The following AFF2 variants were observed in gnomAD, a reference collection of about 807,000 sequenced individuals.
AFF2 encodes ALF transcription elongation factor 2, also known as AF4/FMR2 family member 2.
AFF2 carries 14 observed loss-of-function variants against 76.9 expected under a neutral mutation model. The observed-to-expected ratio is 0.18, with a 90% CI of 0.12 to 0.28. The LOEUF (loss-of-function observed/expected upper bound fraction) is 0.28, where lower values mean the gene tolerates loss of function less well. AFF2 is among the 10% of genes least tolerant of loss of function. AFF2 has a pLI of 1.00. For missense variants in AFF2, 868 were observed against 1,001.1 expected, an observed-to-expected ratio of 0.87 and a Z score of 1.79; for synonymous variants, 398 against 366.7, an observed-to-expected ratio of 1.09 and a Z score of -0.98.
At chrX:148,978,326 A>C (rs782598260) in intron 17 of AFF2, 36 bp from the exon 18 acceptor site, 1 of 975,953 alleles carries the variant, frequency 1.0e-6, no homozygotes, top group Admixed American at 2.3e-5. Context: ...TTCACTAAGC[A>C]CTGGCATTAA....
At position 148,885,979 on chromosome X, in the gene AFF2, C is replaced by G. The variant is rs138980868; in HGVS notation, c.1353C>G (p.Leu451=). 621 of 1,197,545 alleles carry G rather than the reference C, an allele frequency of 5.2e-4. No homozygotes were observed. The African/African-American group carries it at 0.01, about 20-fold the overall frequency. ...CCACTCAGTGCACTGCCACTGAGCT[C>G]TACCAGGTTAGAAGAGCTTAGGGCT... ...TLTTQCTATE[L]YQAVEKAKPR... Residue 451 remains leucine (L), a synonymous_variant, in exon 8 of 21, where the codon CTC becomes CTG. Transcript: ENST00000370460.
chrX:148,780,176 A>C (rs1450901902), intron 3 of AFF2, among the ~76,000 whole-genome samples: 1 of 112,074 alleles, frequency 8.9e-6, no homozygotes, highest in African/African-American at 3.2e-5. Flanking sequence ...GGCTGCCCTT[A>C]ACATTTTTTC....
chrX:148,574,205 T>C (rs1343977135), intron 1 of AFF2, among the ~76,000 whole-genome samples: 19 of 111,579 alleles, frequency 1.7e-4, no homozygotes, highest in Admixed American at 1.3e-3. Context: ...GTCTATAGTG[T>C]ACTGATGGCT....
Position 148,607,798 on chromosome X carries a change from T to C in AFF2, c.48-44201T>C, listed in dbSNP as rs1011859842. On this transcript the variant is annotated intron_variant, in intron 1 of 20. Coordinates refer to ENST00000370460, the MANE Select transcript of AFF2 (RefSeq NM_002025.4). The stretch of plus-strand genomic sequence containing the variant: ...AAAAAATCTCTTTTAAAAATGGTTC[T>C]ACAAATCTATCTGGTTTCTTTTTTT... Among the ~76,000 whole-genome samples, 5 of 112,086 alleles carry C rather than the reference T, an allele frequency of 4.5e-5. No homozygotes were observed. The Admixed American group carries it at 4.7e-4, about 11-fold the overall frequency.
intron 12 of AFF2, among the ~76,000 whole-genome samples, chrX:148,958,705 C>T (rs781914983): frequency 2.0e-3 from 218 of 111,450 alleles, no homozygotes; most frequent in African/African-American, 6.7e-3. Context: ...TACTCTAATT[C>T]AGATTTATCA....
intron 1 of AFF2, among the ~76,000 whole-genome samples, chrX:148,583,560 A>G (rs1449243925): frequency 9.0e-6 from 1 of 111,679 alleles, no homozygotes; most frequent in Non-Finnish European, 1.9e-5. Flanking sequence ...AGATAGAGTT[A>G]GAAAATCCAT....
intron 9 of AFF2, among the ~76,000 whole-genome samples, chrX:148,927,034 T>A (rs2124282490): frequency 8.9e-6 from 1 of 112,689 alleles, no homozygotes; most frequent in East Asian, 2.8e-4. Context: ...TGAGGTTTTT[T>A]ATGAATTCTC....
At chrX:148,788,880 C>T (rs1603301005) in intron 3 of AFF2, among the ~76,000 whole-genome samples, 1 of 111,920 alleles carries the variant, frequency 8.9e-6, no homozygotes. Flanking sequence ...GCATCAGTTG[C>T]AAGCCTTGGG....
intron 1 of AFF2, among the ~76,000 whole-genome samples, chrX:148,600,814 C>G (rs1455911943): frequency 8.9e-6 from 1 of 112,063 alleles, no homozygotes; most frequent in Non-Finnish European, 1.9e-5. Flanking sequence ...TAGGCTGAGC[C>G]TCCTCCAAGC....
At chrX:148,831,864 C>T (rs2070458186) in intron 4 of AFF2, among the ~76,000 whole-genome samples, 1 of 111,902 alleles carries the variant, frequency 8.9e-6, no homozygotes, top group African/African-American at 3.3e-5. Context: ...ATCATTCATT[C>T]AAACAAATTA....
In AFF2 at chrX:148,962,811, T is replaced by C. The variant is rs1557288221; in HGVS notation, c.2787T>C (p.Asn929=). 8.3e-7 allele frequency: 1 copy of C among 1,210,252 alleles called. No homozygotes were observed. The highest frequency in any genetic ancestry group is 2.2e-5 in the Admixed American group (1 of 46,047). ...PLPEDPPRRR[N]VSGNNGPFGQ... is the part of the protein sequence containing the mutation. ...CAGAGGACCCTCCACGCCGCAGAAA[T>C]GTCAGTGGCAATAATGGTCCCTTTG... The change falls in exon 13 of 21, where the codon AAT becomes AAC. Residue 929 remains asparagine, a synonymous_variant. Transcript: ENST00000370460.
At chrX:148,885,853 C>T in intron 7 of AFF2, 36 bp from the exon 8 acceptor site, 1 of 1,079,650 alleles carries the variant, frequency 9.3e-7, no homozygotes, top group Non-Finnish European at 1.3e-6. Context: ...AGAAAATATG[C>T]CTTCTAACTC....
chrX:148,695,351 C>G (rs1441945527), intron 3 of AFF2, among the ~76,000 whole-genome samples: 2 of 111,835 alleles, frequency 1.8e-5, no homozygotes, highest in Non-Finnish European at 3.8e-5. Context: ...CCAAGTATGT[C>G]TGAGATAATG....
chrX:148,920,687 TGA>T (rs781967490), intron 9 of AFF2, among the ~76,000 whole-genome samples: 4 of 110,435 alleles, frequency 3.6e-5, no homozygotes, highest in Non-Finnish European at 7.6e-5. Context: ...TGGGAAATTC[TGA>T]GTTTTAAAAT....
intron 3 of AFF2, among the ~76,000 whole-genome samples, chrX:148,769,061 T>C (rs1277310620): frequency 8.9e-6 from 1 of 112,544 alleles, no homozygotes; most frequent in Non-Finnish European, 1.9e-5. Flanking sequence ...TGTGTACAGC[T>C]AGAGTTTTAT....
chrX:148,991,605 C>T lies in AFF2; in HGVS notation c.*273C>T, dbSNP rs781953929. 2.0e-5 allele frequency: 4 copies of T among 198,646 alleles called. No homozygotes were observed. The highest frequency in any genetic ancestry group is 3.0e-5 in the African/African-American group (1 of 33,757). The allele number at this position is 198,646 out of a possible 1,213,427, so 16.4% of individuals were successfully genotyped here. On this transcript the variant is annotated 3_prime_UTR_variant, in exon 21 of 21. Transcript: ENST00000370460. ...CATCTTTTTGTGCTTTATGGAATGA[C>T]AGTCCCTACAATATTGTTTTAAGCC...
At chrX:148,710,077 G>A (rs782143955) in intron 3 of AFF2, among the ~76,000 whole-genome samples, 1 of 111,841 alleles carries the variant, frequency 8.9e-6, no homozygotes, top group African/African-American at 3.2e-5. Context: ...TTACTCAACA[G>A]ATTCGGAAAT....
Position 148,726,899 on chromosome X carries a change from C to G in AFF2, c.1041+64131C>G, listed in dbSNP as rs1427456172. 3.6e-5 allele frequency among the ~76,000 whole-genome samples: 4 copies of G among 111,552 alleles called. No homozygotes were observed. The Admixed American group carries it at 3.8e-4, about 11-fold the overall frequency. ...AGGGCACACATGGTCCCCATGCAGA[C>G]ACACAACTTAACAATTGTTAGGGCA... On this transcript the variant is annotated intron_variant, in intron 3 of 20. Transcript: ENST00000370460.
chrX:148,966,720 C>G (rs1557288748), intron 13 of AFF2, 70 bp from the exon 14 acceptor site: 4 of 1,147,383 alleles, frequency 3.5e-6, no homozygotes, highest in Non-Finnish European at 4.6e-6. Flanking sequence ...GCTTGACATT[C>G]AAAGCATTTA....
Sources: gnomAD v4.1 joint callset for allele counts (sites outside exome capture counted in the v4.1 genomes callset) on GRCh38, gnomAD v4.1.1 for gene constraint, MANE v1.5 for transcripts, NCBI Gene and HGNC (gene_info 2026-07-23, HGNC 2026-07-21) for gene names.